The following EPHA5 variants were observed in gnomAD, a reference collection of about 807,000 sequenced individuals.
EPHA5 encodes the protein ephrin type-A receptor 5.
Under a neutral mutation model 105.0 loss-of-function variants are expected in EPHA5, and 60 were observed. The ratio of observed to expected loss-of-function variants is 0.57; its 90% CI spans 0.46 to 0.71. The LOEUF is 0.71. EPHA5 is among the 30% of genes least tolerant of loss of function. The pLI, the probability that EPHA5 is intolerant of heterozygous loss-of-function variation, is 0.00. For missense variants in EPHA5, 1,218 were observed against 1,274.7 expected (o/e 0.96, Z 0.68); for synonymous variants, 513 against 449.1 (o/e 1.14, Z -1.80).
At chr4:65,651,190 G>C (rs1748577117) in intron 1 of EPHA5, among the ~76,000 whole-genome samples, 1 of 152,140 alleles carries the variant, frequency 6.6e-6, no homozygotes, top group African/African-American at 2.4e-5. Context: ...AATCAGCAGG[G>C]GAGCAAAGCT....
At chr4:65,521,477 A>G (rs575866739) in intron 3 of EPHA5, among the ~76,000 whole-genome samples, 1 of 152,140 alleles carries the variant, frequency 6.6e-6, no homozygotes, top group Non-Finnish European at 1.5e-5. Flanking sequence ...TACATATGTA[A>G]CAAACCCTCA....
chr4:65,433,849 C>T (rs905677446), intron 5 of EPHA5, among the ~76,000 whole-genome samples: 1 of 152,092 alleles, frequency 6.6e-6, no homozygotes, highest in Non-Finnish European at 1.5e-5. Flanking sequence ...GACGGATCAC[C>T]TGAGGCCAAC....
At chr4:65,481,413 G>T (rs1560588141) in intron 5 of EPHA5, among the ~76,000 whole-genome samples, 1 of 152,156 alleles carries the variant, frequency 6.6e-6, no homozygotes. Flanking sequence ...ATAAATAGGA[G>T]GATTCAGGTG....
chr4:65,631,874 A>G (rs1167480205), intron 2 of EPHA5, among the ~76,000 whole-genome samples: 1 of 152,094 alleles, frequency 6.6e-6, no homozygotes, highest in Non-Finnish European at 1.5e-5. Flanking sequence ...ATTAATTTAT[A>G]TTGATTTTAA....
intron 1 of EPHA5, among the ~76,000 whole-genome samples, chr4:65,665,450 G>T (rs1749887048): frequency 6.6e-6 from 1 of 151,938 alleles, no homozygotes; most frequent in Admixed American, 6.6e-5. Context: ...TTTTGATTTT[G>T]CATGTAAAGA....
At chr4:65,605,625 A>C (rs993986212) in intron 2 of EPHA5, among the ~76,000 whole-genome samples, 3 of 152,080 alleles carry the variant, frequency 2.0e-5, no homozygotes, top group Admixed American at 6.6e-5. Flanking sequence ...TTCTGTTTTC[A>C]TTATTATGTT....
At chr4:65,488,407 T>A (rs2149206894) in intron 5 of EPHA5, among the ~76,000 whole-genome samples, 1 of 151,018 alleles carries the variant, frequency 6.6e-6, no homozygotes, top group East Asian at 1.9e-4. Flanking sequence ...ATACGTAGAA[T>A]CAAGTAAAGT....
At chr4:65,460,887 T>C (rs1728060061) in intron 5 of EPHA5, among the ~76,000 whole-genome samples, 1 of 151,798 alleles carries the variant, frequency 6.6e-6, no homozygotes, top group South Asian at 2.1e-4. Context: ...TAGATAGTAG[T>C]TTAATGATTT....
At chr4:65,381,127 A>C (rs763446877) in intron 8 of EPHA5, among the ~76,000 whole-genome samples, 10 of 151,748 alleles carry the variant, frequency 6.6e-5, no homozygotes, top group Non-Finnish European at 1.3e-4. Flanking sequence ...ATATTAAGAC[A>C]GTCTTAGGGC....
intron 3 of EPHA5, among the ~76,000 whole-genome samples, chr4:65,574,757 T>TATAC (rs1227799994): frequency 2.9e-5 from 4 of 139,576 alleles, no homozygotes; most frequent in Non-Finnish European, 3.0e-5. Flanking sequence ...TATATATATA[T>TATAC]ACACAGTAAT....
chr4:65,485,686 C>T (rs1292043290), intron 5 of EPHA5, among the ~76,000 whole-genome samples: 1 of 152,124 alleles, frequency 6.6e-6, no homozygotes, highest in Non-Finnish European at 1.5e-5. Flanking sequence ...TTCCTTCTTA[C>T]ACTTTTTGAA....
At chr4:65,500,708 G>T (rs750154832) in intron 3 of EPHA5, among the ~76,000 whole-genome samples, 12 of 148,990 alleles carry the variant, frequency 8.1e-5, no homozygotes, top group Non-Finnish European at 3.0e-5. Context: ...CAGAAATATG[G>T]CCCACCAAGA....
At chr4:65,515,800 C>A (rs530066507) in intron 3 of EPHA5, among the ~76,000 whole-genome samples, 8 of 152,194 alleles carry the variant, frequency 5.3e-5, no homozygotes, top group African/African-American at 1.9e-4. Flanking sequence ...AGATTAGCAT[C>A]TGAATAGACA....
intron 2 of EPHA5, among the ~76,000 whole-genome samples, chr4:65,636,287 T>C (rs1472781616): frequency 6.6e-6 from 1 of 152,156 alleles, no homozygotes; most frequent in African/African-American, 2.4e-5. Context: ...ACTCTGGACA[T>C]TTTAAAACTT....
intron 5 of EPHA5, among the ~76,000 whole-genome samples, chr4:65,449,659 C>T (rs908004534): frequency 3.9e-5 from 6 of 152,120 alleles, no homozygotes; most frequent in African/African-American, 1.4e-4. Flanking sequence ...AATCCCATTA[C>T]TCGTGAAGTT....
intron 5 of EPHA5, among the ~76,000 whole-genome samples, chr4:65,457,125 A>G (rs1001068759): frequency 6.6e-6 from 1 of 152,328 alleles, no homozygotes; most frequent in African/African-American, 2.4e-5. Flanking sequence ...ACTGAAATAA[A>G]CATACTGCGT....
At chr4:65,615,559 T>A (rs565674702) in intron 2 of EPHA5, among the ~76,000 whole-genome samples, 3 of 151,730 alleles carry the variant, frequency 2.0e-5, no homozygotes, top group Non-Finnish European at 4.4e-5. Flanking sequence ...ACCTTCCAAA[T>A]GAAAGATCAC....
chr4:65,346,277 T>C (rs1384129154), intron 14 of EPHA5, among the ~76,000 whole-genome samples: 1 of 152,028 alleles, frequency 6.6e-6, no homozygotes, highest in Admixed American at 6.5e-5. Context: ...TATAATGCAG[T>C]ATTGAAAATA....
intron 2 of EPHA5, among the ~76,000 whole-genome samples, chr4:65,638,528 G>A (rs1747356519): frequency 6.6e-6 from 1 of 152,070 alleles, no homozygotes; most frequent in South Asian, 2.1e-4. Context: ...ACCTGAAGTC[G>A]GGAGTTCGAG....
Sources: allele counts gnomAD v4.1 joint callset (sites outside exome capture counted in the v4.1 genomes callset), GRCh38; gene constraint gnomAD v4.1.1; transcripts MANE v1.5; gene names NCBI Gene and HGNC (gene_info 2026-07-23, HGNC 2026-07-21).